MOSPD1: variants seen among roughly 807,000 people sequenced by gnomAD.
MOSPD1 encodes the protein motile sperm domain containing 1.
Under a neutral mutation model 16.7 loss-of-function variants are expected in MOSPD1, and 5 were observed. That is an observed-to-expected ratio of 0.30 (90% CI 0.16 to 0.63). The LOEUF (loss-of-function observed/expected upper bound fraction) is 0.63, where lower values mean the gene tolerates loss of function less well. MOSPD1 is among the 30% of genes least tolerant of loss of function. The probability of loss-of-function intolerance (pLI) is 0.82; values close to 1 mark genes in which losing one functional copy is unlikely to be tolerated. For missense variants in MOSPD1, 104 were observed against 153.6 expected (o/e 0.68, Z 1.71); for synonymous variants, 67 against 59.2 (o/e 1.13, Z -0.61).
At chrX:134,903,275 G>GT (rs891727213) in intron 1 of MOSPD1, among the ~76,000 whole-genome samples, 4 of 110,223 alleles carry the variant, frequency 3.6e-5, no homozygotes, top group Non-Finnish European at 7.6e-5. Context: ...ACAGATAAAA[G>GT]TTTTTTTTAA....
At chrX:134,890,752 G>A (rs1370919029) in intron 5 of MOSPD1, among the ~76,000 whole-genome samples, 1 of 111,090 alleles carries the variant, frequency 9.0e-6, no homozygotes, top group Non-Finnish European at 1.9e-5. Flanking sequence ...GGCTTGCAGC[G>A]AGCCGAGATG....
intron 1 of MOSPD1, among the ~76,000 whole-genome samples, chrX:134,902,356 GA>G (rs749624075): frequency 9.2e-6 from 1 of 108,653 alleles, no homozygotes; most frequent in African/African-American, 3.4e-5. Flanking sequence ...GCAGTGAGCC[GA>G]GATCGCTGGG....
At chrX:134,900,436 C>T (rs1276071998) in intron 1 of MOSPD1, among the ~76,000 whole-genome samples, 2 of 111,649 alleles carry the variant, frequency 1.8e-5, no homozygotes, top group African/African-American at 6.5e-5. Flanking sequence ...TGAAAGGAGG[C>T]CGAATGACCA....
chrX:134,907,206 C>A (rs1462827435), intron 1 of MOSPD1, among the ~76,000 whole-genome samples: 1 of 110,962 alleles, frequency 9.0e-6, no homozygotes, highest in Admixed American at 9.7e-5. Flanking sequence ...CCAGCCTGGG[C>A]AACAGAGCGA....
chrX:134,896,918 G>A lies in MOSPD1; in HGVS notation c.347C>T (p.Thr116Ile), dbSNP rs1360597662. 2 of 1,208,879 alleles carry A rather than the reference G, an allele frequency of 1.7e-6. No homozygotes were observed. Among genetic ancestry groups the A allele is most frequent in the South Asian group, 1.8e-5 (1 of 56,900 alleles). ...TTGTTCTTTTGCTGATGGGAGAAGA[G>A]TAGCAACAACCTCTTTTCTTCCCAA... ...KALGRKEVVA[T>I]LLPSAKEQQK... Residue 116 changes from threonine (T) to isoleucine (I), a missense_variant, in exon 4 of 6, where the codon ACT becomes ATT. Around this residue, in one of 3 missense-constraint regions of MOSPD1, gnomAD observed 68 missense variants for 73.1 expected, o/e 0.93. Transcript: ENST00000370783.
intron 3 of MOSPD1, among the ~76,000 whole-genome samples, chrX:134,897,370 A>G (rs1301184167): frequency 1.8e-5 from 2 of 108,742 alleles, no homozygotes; most frequent in Non-Finnish European, 3.8e-5. Flanking sequence ...AGACCAGCCT[A>G]TGCAACACAG....
chrX:134,911,193 C>G (rs2082969466), intron 1 of MOSPD1, among the ~76,000 whole-genome samples: 1 of 111,698 alleles, frequency 9.0e-6, no homozygotes, highest in Non-Finnish European at 1.9e-5. Context: ...CAGAACTGAC[C>G]AATTCAGATT....
intron 4 of MOSPD1, among the ~76,000 whole-genome samples, chrX:134,891,945 A>G (rs1221740998): frequency 8.9e-6 from 1 of 112,316 alleles, no homozygotes; most frequent in Admixed American, 9.5e-5. Flanking sequence ...TCAAGCATGT[A>G]TCATCGATGT....
chrX:134,904,861 GA>G (rs61567663), intron 1 of MOSPD1, among the ~76,000 whole-genome samples: 65 of 91,913 alleles, frequency 7.1e-4, no homozygotes, highest in South Asian at 1.5e-3. Flanking sequence ...GACTCCATCT[GA>G]AAAAAAAAAA....
At chrX:134,890,118 C>T (rs1313412763) in intron 5 of MOSPD1, among the ~76,000 whole-genome samples, 1 of 103,335 alleles carries the variant, frequency 9.7e-6, no homozygotes, top group African/African-American at 3.6e-5. Flanking sequence ...AGAGAGAGAA[C>T]GAGGAGATGG....
At chrX:134,895,634 CTA>C (rs908762983) in intron 4 of MOSPD1, among the ~76,000 whole-genome samples, 7 of 111,579 alleles carry the variant, frequency 6.3e-5, no homozygotes, top group Non-Finnish European at 1.1e-4. Context: ...CATTTCATAA[CTA>C]TGTTAACTTT....
intron 5 of MOSPD1, among the ~76,000 whole-genome samples, chrX:134,889,491 GC>G (rs1418435694): frequency 8.9e-6 from 1 of 112,061 alleles, no homozygotes; most frequent in Non-Finnish European, 1.9e-5. Flanking sequence ...TAGCAGATGT[GC>G]CATTTTGAAG....
rs772339208 is a variant in MOSPD1, at chrX:134,902,424, T to A, written c.-101-2890A>T. On this transcript the variant is annotated intron_variant, in intron 1 of 5. Coordinates refer to ENST00000370783, the MANE Select transcript of MOSPD1 (RefSeq NM_019556.3). Reference sequence around the variant, plus strand: ...ATAAATAAATAAATAAATAAATAAATAAAACAAAAAACCAAAGTTGACAGG... The same window carrying A: ...ATAAATAAATAAATAAATAAATAAAAAAAACAAAAAACCAAAGTTGACAGG... Among the ~76,000 whole-genome samples, 312 of 109,416 alleles carry A rather than the reference T, an allele frequency of 2.9e-3. 1 individual carries two copies. Among genetic ancestry groups the A allele is most frequent in the Middle Eastern group, 4.7e-3 (1 of 212 alleles).
intron 1 of MOSPD1, among the ~76,000 whole-genome samples, chrX:134,908,547 ACTT>A (rs2082954902): frequency 9.0e-6 from 1 of 111,716 alleles, no homozygotes; most frequent in Non-Finnish European, 1.9e-5. Flanking sequence ...GCTCCAACAC[ACTT>A]CTGACCTCAC....
chrX:134,891,738 G>T (rs894256419), intron 4 of MOSPD1, 98 bp from the exon 5 acceptor site: 2 of 840,701 alleles, frequency 2.4e-6, no homozygotes, highest in Admixed American at 3.5e-5. Flanking sequence ...TTCTGATTTT[G>T]TCTAACTTCT....
chrX:134,889,250 C>A (rs2148388778), intron 5 of MOSPD1, 58 bp from the exon 6 acceptor site: 1 of 945,431 alleles, frequency 1.1e-6, no homozygotes, highest in Admixed American at 2.6e-5. Context: ...ATCTTTCATT[C>A]AATAAGCAAT....
At chrX:134,903,977 C>T (rs1344579347) in intron 1 of MOSPD1, among the ~76,000 whole-genome samples, 3 of 111,656 alleles carry the variant, frequency 2.7e-5, no homozygotes, top group Non-Finnish European at 5.6e-5. Flanking sequence ...GTGGAGGTTG[C>T]AGTGAGCCGA....
At chrX:134,913,378 A>T (rs1203092574) in intron 1 of MOSPD1, among the ~76,000 whole-genome samples, 1 of 111,561 alleles carries the variant, frequency 9.0e-6, no homozygotes, top group Non-Finnish European at 1.9e-5. Flanking sequence ...TGTCTCAAAA[A>T]ATATATATAT....
chrX:134,888,564 G>A lies in MOSPD1; in HGVS notation c.*597C>T, dbSNP rs2082845415. ...ATTCTTGGTGTCTGGACCACAACCTGTTCTGTAATTCACAAGATTAATTAA... is the reference window on the plus strand; with the variant it reads ...ATTCTTGGTGTCTGGACCACAACCTATTCTGTAATTCACAAGATTAATTAA... On this transcript the variant is annotated 3_prime_UTR_variant, in exon 6 of 6. Coordinates refer to ENST00000370783, the MANE Select transcript of MOSPD1 (RefSeq NM_019556.3). 1 of 111,366 alleles carries A rather than the reference G, an allele frequency of 9.0e-6. No homozygotes were observed. The highest frequency in any genetic ancestry group is 3.8e-4 in the South Asian group (1 of 2,648). 9.2% of individuals were successfully genotyped at this position (111,366 alleles called of 1,213,427 possible).
Sources: gnomAD v4.1 joint callset for allele counts (sites outside exome capture counted in the v4.1 genomes callset) on GRCh38, gnomAD v4.1.1 for gene constraint, gnomAD v4.1.1 regional missense constraint, MANE v1.5 for transcripts, NCBI Gene and HGNC (gene_info 2026-07-23, HGNC 2026-07-21) for gene names.